RERG: variants seen among roughly 807,000 people sequenced by gnomAD.
The protein encoded by RERG is ras-related and estrogen-regulated growth inhibitor.
In RERG, 25 loss-of-function variants were observed where a neutral mutation model predicts 23.2. That is an observed-to-expected ratio of 1.08 (90% CI 0.79 to 1.50). The LOEUF is 1.50. Ranked by LOEUF, RERG falls within the 40% of genes most tolerant of loss-of-function variation. The pLI is 0.00. For synonymous variants in RERG, 81 were observed against 89.1 expected, an observed-to-expected ratio of 0.91 and a Z score of 0.51; for missense variants, 253 against 250.1, an observed-to-expected ratio of 1.01 and a Z score of -0.08.
intron 2 of RERG, among the ~76,000 whole-genome samples, chr12:15,205,121 A>G (rs932928739): frequency 2.0e-5 from 3 of 151,966 alleles, no homozygotes; most frequent in Non-Finnish European, 2.9e-5. Flanking sequence ...AGTTGTAAAA[A>G]TCATTTATTC....
chr12:15,203,236 A>G (rs1426865604), intron 2 of RERG, among the ~76,000 whole-genome samples: 2 of 151,658 alleles, frequency 1.3e-5, no homozygotes, highest in Non-Finnish European at 3.0e-5. Context: ...TTTATCAAAC[A>G]TATGGTTTGC....
intron 4 of RERG, among the ~76,000 whole-genome samples, chr12:15,110,463 C>CTTTTTTTTTTTTTTTT (rs869218147): frequency 0.03 from 2,197 of 73,058 alleles, 558 homozygotes; most frequent in Middle Eastern, 0.043. Context: ...CCATTTTTTT[C>CTTTTTTTTTTTTTTTT]TTTTTTTTTT....
chr12:15,150,934 G>A (rs998032857), intron 2 of RERG, among the ~76,000 whole-genome samples: 9 of 152,166 alleles, frequency 5.9e-5, no homozygotes, highest in South Asian at 2.1e-4. Context: ...TTATTATTAT[G>A]CAATCTCCAT....
intron 2 of RERG, among the ~76,000 whole-genome samples, chr12:15,177,182 G>A (rs1396628218): frequency 6.6e-6 from 1 of 152,218 alleles, no homozygotes; most frequent in Non-Finnish European, 1.5e-5. Context: ...GCTGGACGCT[G>A]TGGCTCACAC....
At chr12:15,141,132 G>A (rs1267226698) in intron 2 of RERG, among the ~76,000 whole-genome samples, 3 of 149,710 alleles carry the variant, frequency 2.0e-5, no homozygotes, top group Non-Finnish European at 4.4e-5. Flanking sequence ...TTTTATTTTG[G>A]GAGGTTCCTA....
At chr12:15,209,353 A>C (rs1347772262) in intron 2 of RERG, among the ~76,000 whole-genome samples, 1 of 152,236 alleles carries the variant, frequency 6.6e-6, no homozygotes, top group Admixed American at 6.5e-5. Context: ...TGGGCAGATG[A>C]ATAAAAGGAG....
intron 2 of RERG, among the ~76,000 whole-genome samples, chr12:15,129,466 ATG>A (rs952148516): frequency 1.2e-4 from 19 of 152,322 alleles, no homozygotes; most frequent in African/African-American, 3.6e-4. Context: ...TTCTCCACAC[ATG>A]TGACTTTCAC....
intron 2 of RERG, among the ~76,000 whole-genome samples, chr12:15,181,295 A>G (rs1404693685): frequency 6.6e-6 from 1 of 152,226 alleles, no homozygotes. Flanking sequence ...AATCCAAACA[A>G]TATGTGAAAT....
intron 2 of RERG, among the ~76,000 whole-genome samples, chr12:15,202,278 A>G (rs1865227690): frequency 6.6e-6 from 1 of 151,630 alleles, no homozygotes; most frequent in Non-Finnish European, 1.5e-5. Flanking sequence ...TGTCTATTTT[A>G]TATGTCTGTG....
intron 2 of RERG, among the ~76,000 whole-genome samples, chr12:15,211,740 T>C (rs971445740): frequency 1.5e-4 from 23 of 152,212 alleles, no homozygotes; most frequent in Admixed American, 1.0e-3. Context: ...TTCACCTGGT[T>C]TGATCATTCC....
At chr12:15,212,041 ACTT>A (rs1298173722) in intron 2 of RERG, among the ~76,000 whole-genome samples, 4 of 92,544 alleles carry the variant, frequency 4.3e-5, no homozygotes, top group African/African-American at 1.5e-4. Context: ...CCACGAATAA[ACTT>A]TTTTTTTTTT....
chr12:15,149,765 C>A (rs1040438795), intron 2 of RERG, among the ~76,000 whole-genome samples: 4 of 152,202 alleles, frequency 2.6e-5, no homozygotes, highest in African/African-American at 9.7e-5. Flanking sequence ...CATGCCAATT[C>A]ACATGGATAC....
chr12:15,193,035 A>G (rs537139081), intron 2 of RERG, among the ~76,000 whole-genome samples: 21 of 152,134 alleles, frequency 1.4e-4, no homozygotes, highest in Non-Finnish European at 2.4e-4. Flanking sequence ...TAATGAATAA[A>G]TATTTATTTA....
At chr12:15,166,523 A>ATGATGGTGG (rs1864691897) in intron 2 of RERG, among the ~76,000 whole-genome samples, 1 of 148,838 alleles carries the variant, frequency 6.7e-6, no homozygotes, top group Non-Finnish European at 1.5e-5. Flanking sequence ...GATGGTGGTG[A>ATGATGGTGG]TGGTGGTGGT....
intron 2 of RERG, among the ~76,000 whole-genome samples, chr12:15,168,595 G>A (rs2136120026): frequency 6.6e-6 from 1 of 152,254 alleles, no homozygotes; most frequent in South Asian, 2.1e-4. Context: ...TCTCTGTGAT[G>A]GATTGTTAGT....
chr12:15,173,394 A>T (rs753279804), intron 2 of RERG, among the ~76,000 whole-genome samples: 1 of 151,982 alleles, frequency 6.6e-6, no homozygotes, highest in Non-Finnish European at 1.5e-5. Flanking sequence ...TTTTGAAATC[A>T]GGAAATATGA....
At chr12:15,162,021 A>G (rs1864622465) in intron 2 of RERG, among the ~76,000 whole-genome samples, 1 of 152,238 alleles carries the variant, frequency 6.6e-6, no homozygotes, top group Non-Finnish European at 1.5e-5. Flanking sequence ...GTAGAAATAC[A>G]TTGTAACTTA....
At chr12:15,196,814 T>G (rs1865151295) in intron 2 of RERG, among the ~76,000 whole-genome samples, 1 of 152,176 alleles carries the variant, frequency 6.6e-6, no homozygotes, top group African/African-American at 2.4e-5. Context: ...CATAGCAGTT[T>G]ATATTTTTAC....
chr12:15,137,080 T>C (rs1383704613), intron 2 of RERG, among the ~76,000 whole-genome samples: 5 of 151,860 alleles, frequency 3.3e-5, no homozygotes, highest in Non-Finnish European at 5.9e-5. Flanking sequence ...TTTTAATATA[T>C]GGGCCTCTCT....
Sources: allele counts gnomAD v4.1 joint callset (sites outside exome capture counted in the v4.1 genomes callset), GRCh38; gene constraint gnomAD v4.1.1; transcripts MANE v1.5; gene names NCBI Gene and HGNC (gene_info 2026-07-23, HGNC 2026-07-21).